Variants in PSTPIP2 observed in about 807,000 individuals in gnomAD.
PSTPIP2 encodes the protein proline-serine-threonine phosphatase-interacting protein 2.
In PSTPIP2, 33 loss-of-function variants were observed where a neutral mutation model predicts 63.3. The ratio of observed to expected loss-of-function variants is 0.52; its 90% CI spans 0.40 to 0.70. The LOEUF is 0.70. Ranked by LOEUF, PSTPIP2 falls within the 30% of genes least tolerant of loss-of-function variation. The pLI is 0.00. For synonymous variants in PSTPIP2, 125 were observed against 132.7 expected (o/e 0.94, Z 0.40); for missense variants, 312 against 400.7 (o/e 0.78, Z 1.89).
At chr18:46,006,123 A>G (rs995030832) in intron 5 of PSTPIP2, among the ~76,000 whole-genome samples, 2 of 152,196 alleles carry the variant, frequency 1.3e-5, no homozygotes, top group Admixed American at 1.3e-4. Context: ...GCATGATCTC[A>G]GCTGACTACA....
chr18:46,024,757 C>T, intron 2 of PSTPIP2, 71 bp from the exon 3 acceptor site: 2 of 1,251,572 alleles, frequency 1.6e-6, no homozygotes, highest in Non-Finnish European at 2.3e-6. Flanking sequence ...AATGACCCTC[C>T]CTTGGAAAGC....
chr18:46,069,726 C>T (rs1909324301), intron 1 of PSTPIP2, among the ~76,000 whole-genome samples: 1 of 152,194 alleles, frequency 6.6e-6, no homozygotes, highest in Non-Finnish European at 1.5e-5. Flanking sequence ...ACACGTTTGA[C>T]CACAGTCCTC....
intron 2 of PSTPIP2, among the ~76,000 whole-genome samples, chr18:46,031,090 A>T: frequency 6.6e-6 from 1 of 152,002 alleles, no homozygotes; most frequent in East Asian, 1.9e-4. Flanking sequence ...CTTTCATGAC[A>T]TTTTTCCTGT....
At chr18:46,067,490 G>T (rs148700164) in intron 1 of PSTPIP2, among the ~76,000 whole-genome samples, 4 of 134,176 alleles carry the variant, frequency 3.0e-5, no homozygotes, top group African/African-American at 1.2e-4. Flanking sequence ...GCAACAGGGC[G>T]AGACTCTGTC....
intron 4 of PSTPIP2, 103 bp from the exon 5 acceptor site, chr18:46,011,390 G>A (rs1262127004): frequency 1.1e-6 from 1 of 931,290 alleles, no homozygotes; most frequent in Non-Finnish European, 1.6e-6. Flanking sequence ...ACTGGAGTAA[G>A]TGGTAAAATC....
At chr18:46,037,197 G>A (rs1908012703) in intron 2 of PSTPIP2, among the ~76,000 whole-genome samples, 1 of 152,082 alleles carries the variant, frequency 6.6e-6, no homozygotes, top group South Asian at 2.1e-4. Context: ...TTGTTGCCCA[G>A]GCTGGAGTGC....
At chr18:46,070,904 C>T (rs951679746) in intron 1 of PSTPIP2, among the ~76,000 whole-genome samples, 1 of 152,142 alleles carries the variant, frequency 6.6e-6, no homozygotes, top group African/African-American at 2.4e-5. Context: ...TTTCTGGGGC[C>T]CACATCTCAT....
At chr18:46,015,281 T>C (rs1476192368) in intron 4 of PSTPIP2, among the ~76,000 whole-genome samples, 1 of 152,166 alleles carries the variant, frequency 6.6e-6, no homozygotes, top group Non-Finnish European at 1.5e-5. Flanking sequence ...TGGATACAAA[T>C]GTTTGGTGAT....
intron 3 of PSTPIP2, among the ~76,000 whole-genome samples, chr18:46,016,937 T>C (rs2051858188): frequency 1.3e-5 from 2 of 152,208 alleles, no homozygotes; most frequent in South Asian, 4.1e-4. Context: ...TCACCCAAGT[T>C]GACATTAATA....
At chr18:46,002,460 T>C (rs1475763538) in intron 6 of PSTPIP2, among the ~76,000 whole-genome samples, 3 of 152,190 alleles carry the variant, frequency 2.0e-5, no homozygotes, top group Admixed American at 6.5e-5. Flanking sequence ...GTCTGGTAAT[T>C]TATATTATTC....
At chr18:46,043,597 A>G (rs1395413425) in intron 1 of PSTPIP2, among the ~76,000 whole-genome samples, 1 of 152,208 alleles carries the variant, frequency 6.6e-6, no homozygotes, top group Non-Finnish European at 1.5e-5. Context: ...GATCAGGAAC[A>G]AGGCAACGAT....
At chr18:46,029,596 A>T in intron 2 of PSTPIP2, 1 of 773,202 alleles carries the variant, frequency 1.3e-6, no homozygotes, top group Non-Finnish European at 2.4e-6. Flanking sequence ...CCCAAAGCCA[A>T]TGAAAGCTAT....
chr18:46,012,068 C>A (rs186292591), intron 4 of PSTPIP2, among the ~76,000 whole-genome samples: 85 of 152,116 alleles, frequency 5.6e-4, no homozygotes, highest in Non-Finnish European at 5.9e-5. Context: ...AATACATATT[C>A]CAGTATTTAA....
At chr18:46,024,009 T>C (rs1382598167) in intron 3 of PSTPIP2, among the ~76,000 whole-genome samples, 1 of 152,092 alleles carries the variant, frequency 6.6e-6, no homozygotes, top group Non-Finnish European at 1.5e-5. Flanking sequence ...TAGTCCACTT[T>C]AGCCATTTTT....
chr18:45,995,253 C>T (rs2051582100), intron 9 of PSTPIP2, among the ~76,000 whole-genome samples: 1 of 151,894 alleles, frequency 6.6e-6, no homozygotes, highest in South Asian at 2.1e-4. Flanking sequence ...TAGCCTCTAC[C>T]ACCATGCCCG....
chr18:46,043,296 C>T (rs1046778571), intron 1 of PSTPIP2, among the ~76,000 whole-genome samples: 7 of 143,180 alleles, frequency 4.9e-5, no homozygotes, highest in Non-Finnish European at 9.0e-5. Flanking sequence ...GAGGCTAAGG[C>T]GGAAGGATTG....
At chr18:46,008,061 G>A (rs2051749703) in intron 5 of PSTPIP2, among the ~76,000 whole-genome samples, 1 of 152,160 alleles carries the variant, frequency 6.6e-6, no homozygotes, top group African/African-American at 2.4e-5. Flanking sequence ...GAGCTCCTCA[G>A]GGCAGTGTCT....
chr18:45,986,071 C>T (rs1568206323), intron 14 of PSTPIP2, among the ~76,000 whole-genome samples: 1 of 152,080 alleles, frequency 6.6e-6, no homozygotes, highest in African/African-American at 2.4e-5. Flanking sequence ...GCCACCGTAC[C>T]GGGACCCTGT....
Position 46,011,302 on chromosome 18 carries a change from TAA to T in PSTPIP2, c.248-17_248-16del. 1 of 1,547,256 alleles carries T rather than the reference TAA, an allele frequency of 6.5e-7. No homozygotes were observed. The highest frequency in any genetic ancestry group is 8.8e-7 in the Non-Finnish European group (1 of 1,132,092). ...ATTGTCTACTTCTGCAAAAAAGAAT[TAA>T]AAAAAAAATCAAGGTCTACATATGT... On this transcript the variant is annotated splice_polypyrimidine_tract_variant and intron_variant, in intron 4 of 14. Coordinates refer to ENST00000409746, the MANE Select transcript of PSTPIP2 (RefSeq NM_024430.4).
Sources: gnomAD v4.1 joint callset for allele counts (sites outside exome capture counted in the v4.1 genomes callset) on GRCh38, gnomAD v4.1.1 for gene constraint, MANE v1.5 for transcripts, NCBI Gene and HGNC (gene_info 2026-07-23, HGNC 2026-07-21) for gene names.